SLC6A11: variants seen among roughly 807,000 people sequenced by gnomAD.
SLC6A11 encodes solute carrier family 6 member 11.
SLC6A11 carries 25 observed loss-of-function variants against 74.8 expected under a neutral mutation model. The ratio of observed to expected loss-of-function variants is 0.33; its 90% CI spans 0.24 to 0.47. The LOEUF (loss-of-function observed/expected upper bound fraction) is 0.47, where lower values mean the gene tolerates loss of function less well. Among genes scored for constraint, SLC6A11 ranks in the 20% least tolerant of loss-of-function variants. The pLI, the probability that SLC6A11 is intolerant of heterozygous loss-of-function variation, is 1.00. For missense variants in SLC6A11, 574 were observed against 837.0 expected, an observed-to-expected ratio of 0.69 and a Z score of 3.88; for synonymous variants, 330 against 330.2, an observed-to-expected ratio of 1.00 and a Z score of 0.01.
intron 6 of SLC6A11, among the ~76,000 whole-genome samples, chr3:10,878,509 A>G (rs1295207198): frequency 6.6e-6 from 1 of 150,692 alleles, no homozygotes; most frequent in Non-Finnish European, 1.5e-5. Context: ...GGTTCAAGCA[A>G]TTCTCCTGCC....
rs114295926 is a variant in SLC6A11 at position 10,920,041 on chromosome 3, A to G, written c.1120+1588A>G. On this transcript the variant is annotated intron_variant, in intron 8 of 13. Transcript: ENST00000254488. ...ACAGGCAGCCCTGCGAGGAGGGATC[A>G]TTGCCTTCTCAGTAGTAGCATTGCT... Among the ~76,000 whole-genome samples, 1,163 of 152,250 alleles carry G rather than the reference A, an allele frequency of 7.6e-3. 11 individuals carry two copies. Among genetic ancestry groups the G allele is most frequent in the African/African-American group, 0.027 (1,101 of 41,530 alleles).
chr3:10,898,339 A>G (rs1695195965), intron 6 of SLC6A11, among the ~76,000 whole-genome samples: 2 of 152,202 alleles, frequency 1.3e-5, no homozygotes, highest in Admixed American at 1.3e-4. Flanking sequence ...TCACATTACT[A>G]CAAATTTATC....
At position 10,816,642 on chromosome 3, in the gene SLC6A11, C is replaced by CG. The variant is rs1000049530; in HGVS notation, c.256+122dup. On this transcript the variant is annotated intron_variant, in intron 1 of 13. Transcript: ENST00000254488. The surrounding 1 kb of genome is among the most constrained non-coding windows in gnomAD (Gnocchi z 4.2). ...GGAGCGGAACCCGAGCGGAGAACCT[C>CG]GACTCCAGGCACCTCGCGTGTGAGC... 15 of 1,061,576 alleles carry CG rather than the reference C, an allele frequency of 1.4e-5. No individual in the cohort carries two copies. Among genetic ancestry groups the CG allele is most frequent in the Non-Finnish European group, 1.8e-5 (14 of 771,112 alleles). 65.8% of individuals were successfully genotyped at this position (1,061,576 alleles called of 1,614,324 possible).
chr3:10,918,201 A>C lies in SLC6A11; in HGVS notation c.996-128A>C. 4.8e-6 allele frequency: 5 copies of C among 1,042,880 alleles called. No homozygotes were observed. Among genetic ancestry groups the C allele is most frequent in the Non-Finnish European group, 6.6e-6 (5 of 759,570 alleles). The allele number at this position is 1,042,880 out of a possible 1,614,324, so 64.6% of individuals were successfully genotyped here. A position where few individuals can be genotyped will look rare whatever the true frequency, so the allele number is the denominator to read the frequency against. On this transcript the variant is annotated intron_variant, in intron 7 of 13. Coordinates refer to ENST00000254488, the MANE Select transcript of SLC6A11 (RefSeq NM_014229.3). This position sits in a 1 kb window ranked among gnomAD's most constrained non-coding sequence, Gnocchi z 4.5. ...ACCATGAGTGCTCCATCAGAAAAAC[A>C]GAGCTCCCTGTGCCTGCACTTCCCT...
chr3:10,824,574 T>C (rs1694181318), intron 4 of SLC6A11: 1 of 152,246 alleles, frequency 6.6e-6, no homozygotes. Context: ...TTTGTGATAC[T>C]GGCATCCATT....
At chr3:10,840,815 C>T (rs1171093828) in intron 4 of SLC6A11, among the ~76,000 whole-genome samples, 1 of 152,182 alleles carries the variant, frequency 6.6e-6, no homozygotes, top group Non-Finnish European at 1.5e-5. Flanking sequence ...CTCTGTGCAC[C>T]TCAGGTTCAC....
chr3:10,878,206 G>A (rs1694933466), intron 6 of SLC6A11, among the ~76,000 whole-genome samples: 1 of 152,128 alleles, frequency 6.6e-6, no homozygotes, highest in South Asian at 2.1e-4. Context: ...TCCTCTGTGA[G>A]CTGCCTCCTG....
chr3:10,861,714 C>A (rs897391667), intron 5 of SLC6A11, among the ~76,000 whole-genome samples: 37 of 152,104 alleles, frequency 2.4e-4, no homozygotes, highest in African/African-American at 8.9e-4. Flanking sequence ...CCCTGGTGTC[C>A]TGTGGGATGG....
At chr3:10,929,819 C>T (rs1415324232) in intron 10 of SLC6A11, among the ~76,000 whole-genome samples, 1 of 152,110 alleles carries the variant, frequency 6.6e-6, no homozygotes, top group Non-Finnish European at 1.5e-5. Flanking sequence ...TATGCGTGCC[C>T]CTCTTCTCAT....
At chr3:10,897,896 G>A (rs574658362) in intron 6 of SLC6A11, among the ~76,000 whole-genome samples, 15 of 152,342 alleles carry the variant, frequency 9.8e-5, no homozygotes, top group African/African-American at 3.4e-4. Flanking sequence ...GCAAACTTCT[G>A]TCTGGACATC....
At chr3:10,869,521 G>A (rs982057495) in intron 5 of SLC6A11, among the ~76,000 whole-genome samples, 4 of 152,222 alleles carry the variant, frequency 2.6e-5, no homozygotes, top group African/African-American at 9.6e-5. Context: ...CCGAGGAGCT[G>A]GGGATGGACT....
At chr3:10,925,331 T>A (rs1405539415) in intron 8 of SLC6A11, among the ~76,000 whole-genome samples, 1 of 152,228 alleles carries the variant, frequency 6.6e-6, no homozygotes, top group Non-Finnish European at 1.5e-5. Flanking sequence ...TAGGACTTTA[T>A]TATCCCCATA....
chr3:10,845,642 G>A (rs921039277), intron 5 of SLC6A11, among the ~76,000 whole-genome samples: 1 of 152,174 alleles, frequency 6.6e-6, no homozygotes, highest in African/African-American at 2.4e-5. Flanking sequence ...GGGCGGATCT[G>A]CAGGAAGGAA....
rs1054977573 is a variant in SLC6A11, at chr3:10,918,897, C to T, written c.1120+444C>T. Among the ~76,000 whole-genome samples, 3 of 152,040 alleles carry T rather than the reference C, an allele frequency of 2.0e-5. No individual in the cohort carries two copies. The highest frequency in any genetic ancestry group is 4.4e-5 in the Non-Finnish European group (3 of 68,014). On this transcript the variant is annotated intron_variant, in intron 8 of 13. Transcript: ENST00000254488. The surrounding 1 kb of genome is among the most constrained non-coding windows in gnomAD (Gnocchi z 4.5). ...TGATGAAAAGCCTTTCTTGGCTTCTCATAGTGCTGGACTCAGCGTGGCCAC... is the reference window on the plus strand; with the variant it reads ...TGATGAAAAGCCTTTCTTGGCTTCTTATAGTGCTGGACTCAGCGTGGCCAC...
At chr3:10,900,595 TA>T (rs1361937720) in intron 6 of SLC6A11, among the ~76,000 whole-genome samples, 3 of 152,260 alleles carry the variant, frequency 2.0e-5, no homozygotes, top group African/African-American at 4.8e-5. Context: ...GCTTGAAGTT[TA>T]GCTCCCTTTT....
At chr3:10,896,519 C>T (rs775384910) in intron 6 of SLC6A11, among the ~76,000 whole-genome samples, 3 of 152,230 alleles carry the variant, frequency 2.0e-5, no homozygotes, top group Non-Finnish European at 4.4e-5. Context: ...GGAACTCAAC[C>T]AGATCTGTCT....
At position 10,844,209 on chromosome 3, in the gene SLC6A11, T is replaced by C. The variant is rs367880450; in HGVS notation, c.624-5T>C. On this transcript the variant is annotated splice_polypyrimidine_tract_variant and splice_region_variant and intron_variant, in intron 4 of 13. Coordinates refer to ENST00000254488, the MANE Select transcript of SLC6A11 (RefSeq NM_014229.3). ...CCCAGTGACTCTCCACCCTCCCTTCTGCAGGCACCGGGTCCTGGCCATCTC... is the reference window on the plus strand; with the variant it reads ...CCCAGTGACTCTCCACCCTCCCTTCCGCAGGCACCGGGTCCTGGCCATCTC... 4 of 1,614,088 alleles carry C rather than the reference T, an allele frequency of 2.5e-6. No individual in the cohort carries two copies. The highest frequency in any genetic ancestry group is 3.4e-6 in the Non-Finnish European group (4 of 1,180,032).
chr3:10,887,298 T>TGATGGATGGATG lies in SLC6A11; in HGVS notation c.891+12233_891+12244dup, dbSNP rs113426564. Among the ~76,000 whole-genome samples the TGATGGATGGATG allele has an allele frequency of 1.2e-3, 177 of 143,994 alleles. 1 individual carries two copies. Among genetic ancestry groups the TGATGGATGGATG allele is most frequent in the African/African-American group, 4.3e-3 (165 of 38,820 alleles). 94.5% of individuals were successfully genotyped at this position (143,994 alleles called of 152,430 possible). ...GAATGGATGATGGATGATAAATGGATGATGGATGGATGGATGGATGGATGG... is the reference window on the plus strand; with the variant it reads ...GAATGGATGATGGATGATAAATGGATGATGGATGGATGGATGGATGGATGGATGGATGGATGG... On this transcript the variant is annotated intron_variant, in intron 6 of 13. Coordinates refer to ENST00000254488, the MANE Select transcript of SLC6A11 (RefSeq NM_014229.3).
chr3:10,933,299 A>G (rs1695715549), intron 11 of SLC6A11, 46 bp downstream of exon 11: 1 of 1,352,230 alleles, frequency 7.4e-7, no homozygotes, highest in South Asian at 1.2e-5. Flanking sequence ...CCCACCAGGT[A>G]CCCAGGATCC....
Sources: allele counts gnomAD v4.1 joint callset (sites outside exome capture counted in the v4.1 genomes callset), GRCh38; gene constraint gnomAD v4.1.1; non-coding constraint Gnocchi (gnomAD v3.1); transcripts MANE v1.5; gene names NCBI Gene and HGNC (gene_info 2026-07-23, HGNC 2026-07-21).